Variants in ZNF341 observed in about 807,000 individuals in gnomAD.
The protein encoded by ZNF341 is zinc finger protein 341.
A neutral mutation model predicts 87.7 loss-of-function variants in ZNF341; 52 were observed. The observed-to-expected ratio is 0.59, with a 90% CI of 0.47 to 0.75. The LOEUF is 0.75. Among genes scored for constraint, ZNF341 ranks in the 30% least tolerant of loss-of-function variants. The probability of loss-of-function intolerance (pLI) is 0.00; values close to 1 mark genes in which losing one functional copy is unlikely to be tolerated. For synonymous variants in ZNF341, 459 were observed against 472.7 expected, an observed-to-expected ratio of 0.97 and a Z score of 0.38; for missense variants, 977 against 1,145.9, an observed-to-expected ratio of 0.85 and a Z score of 2.13.
intron 2 of ZNF341, among the ~76,000 whole-genome samples, chr20:33,743,634 C>T (rs1472424566): frequency 3.3e-5 from 5 of 152,008 alleles, no homozygotes; most frequent in South Asian, 2.1e-4. Flanking sequence ...TGAGCCACCT[C>T]GCCTGGCAAC....
chr20:33,784,961 T>C (rs1196849972), intron 12 of ZNF341, among the ~76,000 whole-genome samples: 1 of 152,168 alleles, frequency 6.6e-6, no homozygotes, highest in Non-Finnish European at 1.5e-5. Context: ...GGGACACTGC[T>C]CTCACTGTAA....
chr20:33,735,107 T>C (rs569699787), intron 1 of ZNF341, among the ~76,000 whole-genome samples: 2 of 152,276 alleles, frequency 1.3e-5, no homozygotes, highest in African/African-American at 4.8e-5. Flanking sequence ...CTTGGCTCAC[T>C]GCAACCTCTG....
chr20:33,791,464 G>A lies in ZNF341; in HGVS notation c.2512G>A (p.Glu838Lys), dbSNP rs780567337. ...LALAELQAGA[E>K]GPCAMLAVPV... ...TCTGGCGGAGCTGCAGGCTGGGGCC[G>A]AGGGCCCATGTGCCATGCTCGCTGT... The change falls in exon 15 of 15, where the codon GAG becomes AAG. Residue 838 changes from glutamate (E) to lysine (K), a missense_variant. This residue lies in a region of ZNF341 where 221 missense variants were observed against 212.7 expected (regional missense o/e 1.04). Coordinates refer to ENST00000375200, the MANE Select transcript of ZNF341 (RefSeq NM_001282933.2). 2.6e-5 allele frequency: 42 copies of A among 1,600,644 alleles called. No homozygotes were observed. Among genetic ancestry groups the A allele is most frequent in the South Asian group, 4.4e-5 (4 of 90,270 alleles).
chr20:33,774,243 G>C (rs2019586079), intron 10 of ZNF341, among the ~76,000 whole-genome samples: 1 of 152,006 alleles, frequency 6.6e-6, no homozygotes, highest in Non-Finnish European at 1.5e-5. Context: ...AGTGAGCCAA[G>C]ATTGTGCCAC....
At chr20:33,781,619 G>C (rs2019748214) in intron 11 of ZNF341, among the ~76,000 whole-genome samples, 1 of 152,136 alleles carries the variant, frequency 6.6e-6, no homozygotes, top group Non-Finnish European at 1.5e-5. Flanking sequence ...GGGCTGTCCT[G>C]GTCCCAGGCC....
chr20:33,733,604 C>T (rs188295278), intron 1 of ZNF341, among the ~76,000 whole-genome samples: 1 of 151,836 alleles, frequency 6.6e-6, no homozygotes, highest in East Asian at 1.9e-4. Flanking sequence ...AACTCCTGGC[C>T]TCAAGTGATC....
intron 5 of ZNF341, among the ~76,000 whole-genome samples, chr20:33,755,568 T>C (rs1457921334): frequency 1.3e-5 from 2 of 151,822 alleles, no homozygotes; most frequent in Non-Finnish European, 2.9e-5. Context: ...TTTTCAACTT[T>C]GGGCTTTTTG....
At chr20:33,788,828 T>C in intron 12 of ZNF341, 35 bp from the exon 13 acceptor site, 1 of 1,590,826 alleles carries the variant, frequency 6.3e-7, no homozygotes, top group African/African-American at 1.3e-5. Flanking sequence ...CGACTCCTGG[T>C]GAGTGCTGGC....
At chr20:33,739,040 C>T (rs765630228) in intron 1 of ZNF341, among the ~76,000 whole-genome samples, 6 of 152,164 alleles carry the variant, frequency 3.9e-5, no homozygotes, top group South Asian at 2.1e-4. Flanking sequence ...GCGCCATCTC[C>T]GCTCACTGCA....
rs778575501 is a variant in ZNF341, at chr20:33,791,055, T to C, written c.2103T>C (p.His701=). ...GCCGCCGTGCCCACCTCGCCGAGCA[T>C]CAGCGCGCCCACACGGGCAACTACA... The part of the protein sequence containing the change: ...SFSRRAHLAE[H]QRAHTGNYKF... The change falls in exon 15 of 15, where the codon CAT becomes CAC. Residue 701 remains histidine (H), a synonymous_variant. Transcript: ENST00000375200. The C allele has an allele frequency of 1.9e-6, 3 of 1,613,346 alleles. No homozygotes were observed. The highest frequency in any genetic ancestry group is 1.3e-5 in the African/African-American group (1 of 74,924).
intron 1 of ZNF341, among the ~76,000 whole-genome samples, chr20:33,733,440 TG>T (rs2018621009): frequency 6.6e-6 from 1 of 151,116 alleles, no homozygotes; most frequent in Non-Finnish European, 1.5e-5. Flanking sequence ...GGTTTCACCG[TG>T]TTAGCGAGCA....
chr20:33,776,951 C>T (rs975311936), intron 10 of ZNF341, among the ~76,000 whole-genome samples: 2 of 152,084 alleles, frequency 1.3e-5, no homozygotes, highest in Admixed American at 1.3e-4. Flanking sequence ...TAAGCCATCA[C>T]ACCTGGCCTG....
intron 2 of ZNF341, among the ~76,000 whole-genome samples, chr20:33,743,027 C>G (rs2018837330): frequency 6.6e-6 from 1 of 150,668 alleles, no homozygotes; most frequent in Non-Finnish European, 1.5e-5. Flanking sequence ...GACCCTGTCT[C>G]TCTCTTTTTT....
At chr20:33,757,857 T>C (rs1386196942) in intron 6 of ZNF341, among the ~76,000 whole-genome samples, 2 of 152,214 alleles carry the variant, frequency 1.3e-5, no homozygotes, top group East Asian at 1.9e-4. Context: ...ATTCCCATTA[T>C]GGGATTTGTG....
intron 10 of ZNF341, 116 bp from the exon 11 acceptor site, chr20:33,781,175 T>G: frequency 2.6e-6 from 2 of 758,364 alleles, no homozygotes; most frequent in South Asian, 3.0e-5. Context: ...GTGGATGGAT[T>G]TGGAATGAAT....
At chr20:33,759,644 G>A (rs901478840) in intron 7 of ZNF341, among the ~76,000 whole-genome samples, 1 of 152,076 alleles carries the variant, frequency 6.6e-6, no homozygotes, top group Admixed American at 6.6e-5. Context: ...AAATGTAGTG[G>A]GAAAATTATT....
At chr20:33,760,147 A>C (rs2019262350) in intron 7 of ZNF341, among the ~76,000 whole-genome samples, 1 of 152,228 alleles carries the variant, frequency 6.6e-6, no homozygotes, top group African/African-American at 2.4e-5. Context: ...TCACGCCTGT[A>C]ATCCTAGCAC....
At chr20:33,781,476 C>G in intron 11 of ZNF341, 89 bp downstream of exon 11, 1 of 1,202,814 alleles carries the variant, frequency 8.3e-7, no homozygotes, top group Non-Finnish European at 1.2e-6. Flanking sequence ...TTTCCTTCTC[C>G]TCTCTCACCA....
At chr20:33,766,313 GCCT>G in intron 8 of ZNF341, among the ~76,000 whole-genome samples, 1 of 152,216 alleles carries the variant, frequency 6.6e-6, no homozygotes, top group Admixed American at 6.6e-5. Context: ...TCCTGCCTCA[GCCT>G]CCTGTGTAGC....
Sources: allele counts gnomAD v4.1 joint callset (sites outside exome capture counted in the v4.1 genomes callset), GRCh38; gene constraint gnomAD v4.1.1; regional missense constraint gnomAD v4.1.1; transcripts MANE v1.5; gene names NCBI Gene and HGNC (gene_info 2026-07-23, HGNC 2026-07-21).